DLG2: variants seen among roughly 807,000 people sequenced by gnomAD.
The protein encoded by DLG2 is disks large homolog 2.
A neutral mutation model predicts 132.5 loss-of-function variants in DLG2; 45 were observed. That is an observed-to-expected ratio of 0.34 (90% CI 0.27 to 0.44). The LOEUF is 0.44. DLG2 is among the 20% of genes least tolerant of loss of function. The pLI is 1.00. For synonymous variants in DLG2, 424 were observed against 419.6 expected (o/e 1.01, Z -0.13); for missense variants, 1,045 against 1,196.9 (o/e 0.87, Z 1.87).
chr11:85,091,668 T>G (rs7937003), intron 6 of DLG2, among the ~76,000 whole-genome samples: 1 of 152,200 alleles, frequency 6.6e-6, no homozygotes, highest in African/African-American at 2.4e-5. Context: ...TCGTCTTCTT[T>G]AGAAGTAAAT....
chr11:84,163,538 G>C, intron 8 of DLG2, 27 bp from the exon 9 acceptor site: 1 of 1,576,152 alleles, frequency 6.3e-7, no homozygotes, highest in Middle Eastern at 1.7e-4. Context: ...AATAAGAAGA[G>C]AACTATTAAA....
At chr11:85,219,091 C>T (rs2082827124) in intron 4 of DLG2, among the ~76,000 whole-genome samples, 1 of 152,086 alleles carries the variant, frequency 6.6e-6, no homozygotes, top group Non-Finnish European at 1.5e-5. Context: ...AGGCAAGGAG[C>T]AGGCATGGGT....
chr11:84,844,143 A>G (rs1442895879), intron 6 of DLG2, among the ~76,000 whole-genome samples: 10 of 58,898 alleles, frequency 1.7e-4, no homozygotes, highest in African/African-American at 4.8e-4. Context: ...GTGTATATAT[A>G]TATATATATA....
At chr11:83,910,462 G>T (rs1268733047) in intron 15 of DLG2, among the ~76,000 whole-genome samples, 1 of 152,124 alleles carries the variant, frequency 6.6e-6, no homozygotes, top group Non-Finnish European at 1.5e-5. Flanking sequence ...GCACCGTGGA[G>T]AACTTGTTTT....
chr11:85,515,673 T>C (rs2094156136), intron 3 of DLG2, among the ~76,000 whole-genome samples: 1 of 152,032 alleles, frequency 6.6e-6, no homozygotes, highest in Non-Finnish European at 1.5e-5. Flanking sequence ...CAGGGTAATA[T>C]AAGAACTGAC....
At chr11:84,045,622 C>T (rs1566195403) in intron 11 of DLG2, among the ~76,000 whole-genome samples, 1 of 151,730 alleles carries the variant, frequency 6.6e-6, no homozygotes, top group South Asian at 2.1e-4. Context: ...ACAAAATTCA[C>T]TCACTATGGT....
intron 18 of DLG2, among the ~76,000 whole-genome samples, chr11:83,766,095 C>CTTTT (rs35863223): frequency 7.5e-6 from 1 of 133,692 alleles, no homozygotes; most frequent in Non-Finnish European, 1.6e-5. Context: ...CCACTGAATG[C>CTTTT]TTTTTTTTTT....
chr11:85,372,214 AAGT>A (rs1375901334), intron 3 of DLG2, among the ~76,000 whole-genome samples: 1 of 152,210 alleles, frequency 6.6e-6, no homozygotes, highest in African/African-American at 2.4e-5. Flanking sequence ...TGATGGGAAT[AAGT>A]AGAATATCCA....
chr11:85,476,536 A>G (rs922817520), intron 3 of DLG2, among the ~76,000 whole-genome samples: 1 of 152,068 alleles, frequency 6.6e-6, no homozygotes, highest in South Asian at 2.1e-4. Flanking sequence ...TTAGCTTAAA[A>G]CACAAACACA....
At chr11:84,319,153 A>G (rs1247072594) in intron 7 of DLG2, among the ~76,000 whole-genome samples, 1 of 152,206 alleles carries the variant, frequency 6.6e-6, no homozygotes, top group Non-Finnish European at 1.5e-5. Flanking sequence ...AGAAGTTAAA[A>G]TCAATACCTG....
chr11:83,576,477 T>C (rs2096875188), intron 19 of DLG2, among the ~76,000 whole-genome samples: 1 of 152,142 alleles, frequency 6.6e-6, no homozygotes, highest in Non-Finnish European at 1.5e-5. Flanking sequence ...AGATACATCA[T>C]AATCAAACAG....
chr11:84,190,302 A>C (rs2096381289), intron 8 of DLG2, among the ~76,000 whole-genome samples: 1 of 152,170 alleles, frequency 6.6e-6, no homozygotes. Flanking sequence ...CACTCCTTGT[A>C]CTACAAGGAC....
intron 3 of DLG2, among the ~76,000 whole-genome samples, chr11:85,514,041 C>T (rs1037043063): frequency 1.3e-5 from 2 of 151,880 alleles, no homozygotes; most frequent in Non-Finnish European, 2.9e-5. Flanking sequence ...GTTCCTTCTC[C>T]CTTGTAATAC....
At chr11:85,049,304 T>C (rs1407813562) in intron 6 of DLG2, among the ~76,000 whole-genome samples, 1 of 152,020 alleles carries the variant, frequency 6.6e-6, no homozygotes, top group Non-Finnish European at 1.5e-5. Context: ...TTTAGGAGTA[T>C]TTAAAAAATT....
intron 6 of DLG2, among the ~76,000 whole-genome samples, chr11:85,082,829 A>G (rs554048955): frequency 6.6e-6 from 1 of 151,576 alleles, no homozygotes; most frequent in Non-Finnish European, 1.5e-5. Context: ...GATTTGAACA[A>G]GTATAATTGG....
intron 6 of DLG2, among the ~76,000 whole-genome samples, chr11:84,755,456 C>T (rs1390976645): frequency 6.6e-6 from 1 of 152,122 alleles, no homozygotes; most frequent in Non-Finnish European, 1.5e-5. Flanking sequence ...CGGAGTCTCG[C>T]TCTGTAGCCC....
intron 6 of DLG2, among the ~76,000 whole-genome samples, chr11:84,644,488 C>G (rs1177922527): frequency 6.6e-6 from 1 of 151,990 alleles, no homozygotes; most frequent in Non-Finnish European, 1.5e-5. Flanking sequence ...GGGCGAGTCA[C>G]TAGGTCAGGA....
chr11:84,882,582 T>G (rs988000520), intron 6 of DLG2, among the ~76,000 whole-genome samples: 2 of 152,180 alleles, frequency 1.3e-5, no homozygotes, highest in Middle Eastern at 3.4e-3. Context: ...GAGAAATATC[T>G]ACTCACTCTT....
chr11:84,146,298 G>T (rs1441672474), intron 9 of DLG2, among the ~76,000 whole-genome samples: 1 of 152,090 alleles, frequency 6.6e-6, no homozygotes, highest in Non-Finnish European at 1.5e-5. Flanking sequence ...TTTAGAAAAG[G>T]TCTAAATAAT....
Sources: gnomAD v4.1 joint callset for allele counts (sites outside exome capture counted in the v4.1 genomes callset) on GRCh38, gnomAD v4.1.1 for gene constraint, MANE v1.5 for transcripts, NCBI Gene and HGNC (gene_info 2026-07-23, HGNC 2026-07-21) for gene names.